The following MGAM variants were observed in gnomAD, a reference collection of about 807,000 sequenced individuals.
The protein encoded by MGAM is alpha-1,4-glucosidase.
MGAM carries 253 observed loss-of-function variants against 358.8 expected under a neutral mutation model. The ratio of observed to expected loss-of-function variants is 0.71; its 90% CI spans 0.64 to 0.78. The LOEUF is 0.78. MGAM is among the 30% of genes least tolerant of loss of function. The probability of loss-of-function intolerance (pLI) is 0.00; values close to 1 mark genes in which losing one functional copy is unlikely to be tolerated. For missense variants in MGAM, 3,080 were observed against 3,432.6 expected, an observed-to-expected ratio of 0.90 and a Z score of 2.57; for synonymous variants, 1,105 against 1,227.1, an observed-to-expected ratio of 0.90 and a Z score of 2.08.
chr7:142,061,509 G>A (rs1303028983), intron 34 of MGAM, among the ~76,000 whole-genome samples: 1 of 152,064 alleles, frequency 6.6e-6, no homozygotes, highest in Non-Finnish European at 1.5e-5. Context: ...ATCTGTTTCT[G>A]TTTTCTTATG....
At position 142,083,379 on chromosome 7, in the gene MGAM, C is replaced by A. The variant is rs1226001041; in HGVS notation, c.6347C>A (p.Pro2116Gln). The change falls in exon 53 of 71, where the codon CCA becomes CAA. Residue 2116 changes from proline (P) to glutamine (Q), a missense_variant. Pro to Gln is a moderately conservative substitution (Grantham distance 76). Coordinates refer to ENST00000475668, the MANE Select transcript of MGAM (RefSeq NM_001365693.1). ...CTGGACTTTTATGTGTTCTTGGGGCCAACTCCAGAGCTTGTCACCCAGCAG... is the reference window on the plus strand; with the variant it reads ...CTGGACTTTTATGTGTTCTTGGGGCAAACTCCAGAGCTTGTCACCCAGCAG... The part of the protein sequence containing the change: ...GVLDFYVFLG[P>Q]TPELVTQQYT... The A allele has an allele frequency of 6.4e-7, 1 of 1,552,896 alleles. No homozygotes were observed. Among genetic ancestry groups the A allele is most frequent in the African/African-American group, 1.3e-5 (1 of 74,424 alleles).
intron 41 of MGAM, 72 bp downstream of exon 41, chr7:142,066,793 C>A: frequency 6.9e-7 from 1 of 1,454,632 alleles, no homozygotes; most frequent in Non-Finnish European, 9.4e-7. Context: ...AGTTGATATA[C>A]ACAACGCTTC....
rs925581825 is a variant in MGAM at position 142,085,274 on chromosome 7, C to T, written c.6508-559C>T. On this transcript the variant is annotated intron_variant, in intron 54 of 70. Coordinates refer to ENST00000475668, the MANE Select transcript of MGAM (RefSeq NM_001365693.1). ...ACATTTCTCTTGTTTTACAGTAGCT[C>T]CATTAGTGGAACATAGCGTTTCCAT... is the stretch of plus-strand genomic sequence containing the variant. Among the ~76,000 whole-genome samples, 35 of 146,648 alleles carry T rather than the reference C, an allele frequency of 2.4e-4. 3 individuals carry two copies. Among genetic ancestry groups the T allele is most frequent in the Admixed American group, 2.3e-3 (34 of 14,604 alleles).
intron 37 of MGAM, 38 bp from the exon 38 acceptor site, chr7:142,065,297 C>A: frequency 6.3e-7 from 1 of 1,593,130 alleles, no homozygotes; most frequent in Non-Finnish European, 8.5e-7. Flanking sequence ...TACTCCCTGG[C>A]TGTTGCCTCA....
intron 5 of MGAM, among the ~76,000 whole-genome samples, chr7:142,021,374 T>C (rs1366349681): frequency 6.6e-6 from 1 of 152,210 alleles, no homozygotes; most frequent in African/African-American, 2.4e-5. Context: ...CAGCTTTCAA[T>C]CCATCTCTGC....
intron 5 of MGAM, 115 bp from the exon 6 acceptor site, chr7:142,021,471 C>T: frequency 9.6e-7 from 1 of 1,041,226 alleles, no homozygotes; most frequent in Non-Finnish European, 1.4e-6. Flanking sequence ...AGTACATCTA[C>T]CTAAGATATG....
chr7:142,048,516 A>ATTTTTTTTTTTTTTTTTTTTTTTT (rs1563163857), intron 22 of MGAM, among the ~76,000 whole-genome samples: 2 of 151,938 alleles, frequency 1.3e-5, no homozygotes, highest in African/African-American at 2.4e-5. Flanking sequence ...CCGTAACCCA[A>ATTTTTTTTTTTTTTTTTTTTTTTT]TGTTAATGTC....
chr7:142,001,584 T>G lies in MGAM; in HGVS notation c.-2-3945T>G, dbSNP rs113680313. Reference sequence around the variant, plus strand: ...GGTGGGTTGGTGGAGAAAGTAGGCCTTGTATAGGCAAGACTGTAGCTATGG... The same window carrying G: ...GGTGGGTTGGTGGAGAAAGTAGGCCGTGTATAGGCAAGACTGTAGCTATGG... On this transcript the variant is annotated intron_variant, in intron 1 of 70. Transcript: ENST00000475668. Among the ~76,000 whole-genome samples the G allele has an allele frequency of 7.6e-3, 1,165 of 152,304 alleles. 11 individuals carry two copies. Among genetic ancestry groups the G allele is most frequent in the Middle Eastern group, 0.034 (10 of 294 alleles).
chr7:142,067,221 A>G (rs1418770326), intron 41 of MGAM, 120 bp from the exon 42 acceptor site: 22 of 976,112 alleles, frequency 2.3e-5, no homozygotes, highest in East Asian at 1.6e-4. Context: ...CTAGGAACAA[A>G]GCAAGGATGG....
In MGAM at chr7:142,103,260, A is replaced by G. The variant is rs370521562; in HGVS notation, c.8014-9A>G. On this transcript the variant is annotated splice_polypyrimidine_tract_variant and intron_variant, in intron 69 of 70. Coordinates refer to ENST00000475668, the MANE Select transcript of MGAM (RefSeq NM_001365693.1). ...CTATTATATTTTTCTTTTATCTCCA[A>G]TTCAACAGAATACGATGCAAAGCCA... 1.6e-4 allele frequency: 244 copies of G among 1,572,550 alleles called. No homozygotes were observed. Among genetic ancestry groups the G allele is most frequent in the Non-Finnish European group, 2.0e-4 (231 of 1,162,284 alleles).
intron 63 of MGAM, 97 bp downstream of exon 63, chr7:142,094,960 A>T: frequency 8.7e-7 from 1 of 1,147,882 alleles, no homozygotes; most frequent in East Asian, 2.8e-5. Context: ...TGATATCTTT[A>T]AAATTTTTTT....
chr7:142,028,887 T>C (rs782383601), intron 10 of MGAM, among the ~76,000 whole-genome samples: 4 of 149,990 alleles, frequency 2.7e-5, no homozygotes, highest in Non-Finnish European at 4.4e-5. Context: ...TCTTTATGCA[T>C]GTGGGGGTGG....
At position 142,078,875 on chromosome 7, in the gene MGAM, A is replaced by G; in HGVS notation, c.5714A>G (p.Gln1905Arg). 2 of 1,555,712 alleles carry G rather than the reference A, an allele frequency of 1.3e-6. No homozygotes were observed. The highest frequency in any genetic ancestry group is 1.7e-5 in the Admixed American group (1 of 58,394). The change falls in exon 49 of 71, where the codon CAG becomes CGG. Residue 1905 changes from glutamine (Q) to arginine (R), a missense_variant. Gln to Arg is a conservative substitution (Grantham distance 43). Around this residue, in one of 5 missense-constraint regions of MGAM, gnomAD observed 932 missense variants for 1,198.2 expected, o/e 0.78. Coordinates refer to ENST00000475668, the MANE Select transcript of MGAM (RefSeq NM_001365693.1). The part of the protein sequence containing the change: ...VNDLYSVSDV[Q>R]YNSHGATADI... ...GACCTATACTCTGTCAGTGATGTTC[A>G]GTATAACTCCCATGGGGCCACAGCT... is the stretch of plus-strand genomic sequence containing the variant.
Position 141,988,969 on chromosome 7 carries a change from A to G in MGAM, c.-2-16560A>G, listed in dbSNP as rs1343961533. ...TGTTAAGGTCTTTTATATGGGACAAAAGAAGGAAAACAACTTGGCTGCAAT... is the reference window on the plus strand; with the variant it reads ...TGTTAAGGTCTTTTATATGGGACAAGAGAAGGAAAACAACTTGGCTGCAAT... On this transcript the variant is annotated intron_variant, in intron 2 of 5. Transcript: ENST00000465654. Among the ~76,000 whole-genome samples the G allele has an allele frequency of 2.0e-5, 3 of 152,162 alleles. No homozygotes were observed. In the East Asian group the frequency reaches 5.8e-4, roughly 29 times the overall value.
At chr7:142,033,136 C>T (rs1807668098) in intron 14 of MGAM, among the ~76,000 whole-genome samples, 1 of 152,160 alleles carries the variant, frequency 6.6e-6, no homozygotes, top group African/African-American at 2.4e-5. Context: ...TCTACTTATA[C>T]TCAAAGCTAT....
At chr7:141,996,191 T>C (rs1317493398) in intron 1 of MGAM, among the ~76,000 whole-genome samples, 1 of 151,426 alleles carries the variant, frequency 6.6e-6, no homozygotes, top group Admixed American at 6.6e-5. Flanking sequence ...TCCCAGCTAC[T>C]CGGAGAGGCT....
chr7:142,078,319 T>G lies in MGAM; in HGVS notation c.5495T>G (p.Val1832Gly). ...CTTGTGATTTCTGCATTCCTACAGG[T>G]CGCCATTATCACAGACATCAATCTT... ...PTVTYDSNLK[V>G]AIITDINLFL... The change falls in exon 48 of 71, where the codon GTC (valine) becomes GGC (glycine). Residue 1832 changes from valine (V) to glycine (G), a missense_variant and splice_region_variant. By Grantham distance (109) the Val-to-Gly change is moderately radical. Around this residue, in one of 5 missense-constraint regions of MGAM, gnomAD observed 932 missense variants for 1,198.2 expected, o/e 0.78. Coordinates refer to ENST00000475668, the MANE Select transcript of MGAM (RefSeq NM_001365693.1). 6.8e-7 allele frequency: 1 copy of G among 1,467,878 alleles called. No homozygotes were observed. Among genetic ancestry groups the G allele is most frequent in the Non-Finnish European group, 9.2e-7 (1 of 1,085,108 alleles). 90.9% of individuals were successfully genotyped at this position (1,467,878 alleles called of 1,614,324 possible).
chr7:142,061,635 C>T (rs1812211456), intron 34 of MGAM, among the ~76,000 whole-genome samples: 1 of 152,166 alleles, frequency 6.6e-6, no homozygotes, highest in South Asian at 2.1e-4. Flanking sequence ...TCCCCACCCT[C>T]CTCACCAGCA....
intron 2 of MGAM, 31 bp from the exon 3 acceptor site, chr7:142,008,475 A>G: frequency 6.4e-7 from 1 of 1,569,144 alleles, no homozygotes; most frequent in Non-Finnish European, 8.6e-7. Context: ...AAATTTGTCT[A>G]ATGGTCTTTT....
Sources: gnomAD v4.1 joint callset for allele counts (sites outside exome capture counted in the v4.1 genomes callset) on GRCh38, gnomAD v4.1.1 for gene constraint, gnomAD v4.1.1 regional missense constraint, MANE v1.5 for transcripts, NCBI Gene and HGNC (gene_info 2026-07-23, HGNC 2026-07-21) for gene names.